Variants in C7orf57 observed in about 807,000 individuals in gnomAD.
C7orf57 encodes the protein chromosome 7 open reading frame 57, also known as uncharacterized protein C7orf57.
C7orf57 carries 33 observed loss-of-function variants against 39.0 expected under a neutral mutation model. The ratio of observed to expected loss-of-function variants is 0.85; its 90% CI spans 0.64 to 1.13. C7orf57 has a LOEUF of 1.13. Among genes scored for constraint, C7orf57 ranks in the 50% most tolerant of loss-of-function variants. The pLI, the probability that C7orf57 is intolerant of heterozygous loss-of-function variation, is 0.00. For missense variants in C7orf57, 346 were observed against 362.3 expected, an observed-to-expected ratio of 0.95 and a Z score of 0.37; for synonymous variants, 124 against 137.1, an observed-to-expected ratio of 0.90 and a Z score of 0.67.
In C7orf57 at chr7:48,043,483, T is replaced by A; in HGVS notation, c.244T>A (p.Leu82Met). 6.2e-7 allele frequency: 1 copy of A among 1,613,140 alleles called. No homozygotes were observed. The highest frequency in any genetic ancestry group is 8.5e-7 in the Non-Finnish European group (1 of 1,179,426). Residue 82 changes from leucine to methionine, a missense_variant and splice_region_variant, in exon 4 of 9, where the codon TTG becomes ATG. Transcript: ENST00000348904. Reference sequence around the variant, plus strand: ...GCCATGTCATTTTCTCTTTTGAGATTTGTTGAAGCACTTTGCCCCTGGAAC... The same window carrying A: ...GCCATGTCATTTTCTCTTTTGAGATATGTTGAAGCACTTTGCCCCTGGAAC... ...KLAKQGGRPDLLKHFAPGTRK... is the reference protein window; with the variant it reads ...KLAKQGGRPDMLKHFAPGTRK...
At chr7:48,040,549 A>C (rs1345258605) in intron 2 of C7orf57, among the ~76,000 whole-genome samples, 2 of 152,190 alleles carry the variant, frequency 1.3e-5, no homozygotes, top group Non-Finnish European at 2.9e-5. Flanking sequence ...GGCCTCAGGC[A>C]TGAGCAAAGC....
At position 48,038,887 on chromosome 7, in the gene C7orf57, G is replaced by A. The variant is rs368123658; in HGVS notation, c.56-2447G>A. ...GTATGTGGGTGGGGGGTGGTTCCAG[G>A]TCATAGGTGGATTTAAAGGTTTTCT... On this transcript the variant is annotated intron_variant, in intron 2 of 8. Transcript: ENST00000348904. Among the ~76,000 whole-genome samples the A allele has an allele frequency of 2.0e-5, 3 of 152,168 alleles. No homozygotes were observed. In the South Asian group the frequency reaches 6.2e-4, roughly 32 times the overall value.
At chr7:48,041,288 C>A in intron 2 of C7orf57, 46 bp from the exon 3 acceptor site, 1 of 1,553,482 alleles carries the variant, frequency 6.4e-7, no homozygotes, top group Admixed American at 1.8e-5. Context: ...TAGAGGCCAC[C>A]CCGACACACA....
intron 2 of C7orf57, among the ~76,000 whole-genome samples, chr7:48,036,566 G>A (rs550569614): frequency 6.6e-6 from 1 of 152,156 alleles, no homozygotes; most frequent in Non-Finnish European, 1.5e-5. Flanking sequence ...AAATATGAGT[G>A]GGGGGAGTCT....
In C7orf57 at chr7:48,041,362, C is replaced by T. The variant is rs776085868; in HGVS notation, c.84C>T (p.Arg28=). The T allele has an allele frequency of 5.9e-5, 95 of 1,613,738 alleles. 1 individual carries two copies. The highest frequency in any genetic ancestry group is 4.6e-4 in the South Asian group (42 of 91,058). The change falls in exon 3 of 9, where the codon CGC becomes CGT. Residue 28 remains arginine, a synonymous_variant. Coordinates refer to ENST00000348904, the MANE Select transcript of C7orf57 (RefSeq NM_001100159.3). ...GGTATTACCACGTCCCAGTGAAGCGCTCTGAGAAGGCCGTGGATGCCCCAC... is the reference window on the plus strand; with the variant it reads ...GGTATTACCACGTCCCAGTGAAGCGTTCTGAGAAGGCCGTGGATGCCCCAC... The part of the protein sequence containing the change: ...CDWYYHVPVK[R]SEKAVDAPPA...
At chr7:48,051,811 TCTCTTC>T (rs1790921198) in intron 6 of C7orf57, among the ~76,000 whole-genome samples, 1 of 73,130 alleles carries the variant, frequency 1.4e-5, no homozygotes, top group African/African-American at 5.9e-5. Flanking sequence ...TCCTTCCTTT[TCTCTTC>T]TCTTTCTTTC....
At chr7:48,045,554 G>A (rs1790690032) in intron 4 of C7orf57, among the ~76,000 whole-genome samples, 1 of 152,172 alleles carries the variant, frequency 6.6e-6, no homozygotes, top group African/African-American at 2.4e-5. Flanking sequence ...CTGCAGTGGT[G>A]CCCAGTACCC....
chr7:48,053,154 AT>A, intron 7 of C7orf57: 1 of 628,852 alleles, frequency 1.6e-6, no homozygotes, highest in East Asian at 3.2e-5. Flanking sequence ...GGGGTTTCAC[AT>A]TTTCTTTTAT....
chr7:48,044,901 G>A (rs1790669724), intron 4 of C7orf57, among the ~76,000 whole-genome samples: 1 of 152,060 alleles, frequency 6.6e-6, no homozygotes, highest in Non-Finnish European at 1.5e-5. Flanking sequence ...CCATTTTTTT[G>A]GCTTGAAAAT....
chr7:48,051,844 T>TC (rs1790938465), intron 6 of C7orf57, among the ~76,000 whole-genome samples: 5 of 80,804 alleles, frequency 6.2e-5, no homozygotes, highest in African/African-American at 2.7e-4. Flanking sequence ...TCTTTCTTTC[T>TC]TTCTTTCTTT....
chr7:48,059,300 T>C (rs1791220405), intron 8 of C7orf57, among the ~76,000 whole-genome samples: 1 of 152,256 alleles, frequency 6.6e-6, no homozygotes. Flanking sequence ...TAGACATCTC[T>C]CCACTTAGAG....
intron 6 of C7orf57, among the ~76,000 whole-genome samples, chr7:48,051,809 T>TCCTTTTCTCTTCTC (rs1554299741): frequency 3.6e-5 from 3 of 83,794 alleles, no homozygotes; most frequent in Admixed American, 1.2e-4. Flanking sequence ...CTTCCTTCCT[T>TCCTTTTCTCTTCTC]TTCTCTTCTC....
At chr7:48,054,052 T>C (rs1181978379) in intron 7 of C7orf57, among the ~76,000 whole-genome samples, 1 of 152,236 alleles carries the variant, frequency 6.6e-6, no homozygotes, top group Non-Finnish European at 1.5e-5. Context: ...CTGCCACTTA[T>C]TGGCCAACTC....
intron 8 of C7orf57, among the ~76,000 whole-genome samples, chr7:48,059,361 A>AT (rs1006997510): frequency 6.6e-5 from 10 of 151,798 alleles, no homozygotes; most frequent in African/African-American, 2.4e-4. Context: ...TTCTTATTTT[A>AT]TTTTTTTGAG....
In C7orf57 at chr7:48,046,611, A is replaced by C. The variant is rs1172278810; in HGVS notation, c.502A>C (p.Lys168Gln). 1.2e-6 allele frequency: 2 copies of C among 1,612,200 alleles called. No homozygotes were observed. Among genetic ancestry groups the C allele is most frequent in the Non-Finnish European group, 1.7e-6 (2 of 1,179,060 alleles). Residue 168 changes from lysine (K) to glutamine (Q), a missense_variant, in exon 5 of 9, where the codon AAA becomes CAA. Coordinates refer to ENST00000348904, the MANE Select transcript of C7orf57 (RefSeq NM_001100159.3). ...GGCTGAGGAACTTGAAAAGGAGAAA[A>C]AAAAGGTGACGGGAGCCCATAAATA... ...REAEELEKEK[K>Q]KLRLPAIDSK...
Position 48,052,714 on chromosome 7 carries a change from A to G in C7orf57, c.620A>G (p.Asn207Ser), listed in dbSNP as rs765259843. The G allele has an allele frequency of 1.9e-6, 3 of 1,613,968 alleles. No individual in the cohort carries two copies. Among genetic ancestry groups the G allele is most frequent in the East Asian group, 4.5e-5 (2 of 44,888 alleles). Residue 207 changes from asparagine (N) to serine (S), a missense_variant, in exon 7 of 9, where the codon AAC (asparagine) becomes AGC (serine). Transcript: ENST00000348904. Reference sequence around the variant, plus strand: ...CTCTTTTTAAGGCCTGGTCAAAAAAACAGTTCACCTACCAATTTTTCCAAA... The same window carrying G: ...CTCTTTTTAAGGCCTGGTCAAAAAAGCAGTTCACCTACCAATTTTTCCAAA... Reference protein sequence around the residue: ...LSFPPVPGQKNSSPTNFSKLI... With the variant: ...LSFPPVPGQKSSSPTNFSKLI...
At chr7:48,048,076 G>A (rs1358340452) in intron 5 of C7orf57, among the ~76,000 whole-genome samples, 1 of 152,210 alleles carries the variant, frequency 6.6e-6, no homozygotes, top group Non-Finnish European at 1.5e-5. Flanking sequence ...TACAAAAGGT[G>A]TGCTAGGGGC....
intron 8 of C7orf57, among the ~76,000 whole-genome samples, chr7:48,057,281 CTG>C (rs1021597872): frequency 5.4e-4 from 82 of 152,058 alleles, no homozygotes; most frequent in African/African-American, 1.8e-3. Context: ...TTCCATTTAT[CTG>C]TGTCTTCTTC....
In C7orf57 at chr7:48,041,382, C is replaced by A. The variant is rs756505268; in HGVS notation, c.104C>A (p.Ala35Asp). The part of the protein sequence containing the change: ...PVKRSEKAVD[A>D]PPASQIPGLS... ...AAGCGCTCTGAGAAGGCCGTGGATGCCCCACCAGCGTCCCAGATCCCAGGT... is the reference window on the plus strand; with the variant it reads ...AAGCGCTCTGAGAAGGCCGTGGATGACCCACCAGCGTCCCAGATCCCAGGT... Residue 35 changes from alanine (A) to aspartate (D), a missense_variant, in exon 3 of 9, where the codon GCC (alanine) becomes GAC (aspartate). Coordinates refer to ENST00000348904, the MANE Select transcript of C7orf57 (RefSeq NM_001100159.3). The A allele has an allele frequency of 1.9e-6, 3 of 1,613,854 alleles. No individual in the cohort carries two copies. The highest frequency in any genetic ancestry group is 1.7e-6 in the Non-Finnish European group (2 of 1,179,828).
Sources: gnomAD v4.1 joint callset for allele counts (sites outside exome capture counted in the v4.1 genomes callset) on GRCh38, gnomAD v4.1.1 for gene constraint, MANE v1.5 for transcripts, NCBI Gene and HGNC (gene_info 2026-07-23, HGNC 2026-07-21) for gene names.